The following TLE1 variants were observed in gnomAD, a reference collection of about 807,000 sequenced individuals.
TLE1 encodes the protein TLE family member 1, transcriptional corepressor.
TLE1 carries 21 observed loss-of-function variants against 89.8 expected under a neutral mutation model. The observed-to-expected ratio is 0.23, with a 90% CI of 0.17 to 0.34. The LOEUF is 0.34. Among genes scored for constraint, TLE1 ranks in the 10% least tolerant of loss-of-function variants. The pLI is 1.00. For synonymous variants in TLE1, 447 were observed against 407.6 expected, an observed-to-expected ratio of 1.10 and a Z score of -1.16; for missense variants, 795 against 1,031.2, an observed-to-expected ratio of 0.77 and a Z score of 3.14.
Position 81,610,313 on chromosome 9 carries a change from G to A in TLE1, c.1255-17C>T, listed in dbSNP as rs1439192249. On this transcript the variant is annotated splice_polypyrimidine_tract_variant and intron_variant, in intron 13 of 19. Transcript: ENST00000376499. The stretch of plus-strand genomic sequence containing the variant: ...AAACCCCACCTGGAAACAAAAATAA[G>A]GCATTGCAGACTCAGTTTATTGCAG... 1.2e-6 allele frequency: 2 copies of A among 1,605,726 alleles called. No homozygotes were observed. The highest frequency in any genetic ancestry group is 1.7e-6 in the Non-Finnish European group (2 of 1,173,238).
intron 6 of TLE1, among the ~76,000 whole-genome samples, chr9:81,644,787 A>T (rs551049631): frequency 6.6e-6 from 1 of 152,052 alleles, no homozygotes; most frequent in East Asian, 1.9e-4. Context: ...TGAGGTCAGG[A>T]GTTTGAGAAC....
At chr9:81,603,253 C>T (rs1831180792) in intron 14 of TLE1, among the ~76,000 whole-genome samples, 1 of 152,194 alleles carries the variant, frequency 6.6e-6, no homozygotes, top group Non-Finnish European at 1.5e-5. Flanking sequence ...CACTGTTCCT[C>T]TGTAATAGCT....
intron 8 of TLE1, among the ~76,000 whole-genome samples, chr9:81,628,318 T>G (rs1404841755): frequency 2.0e-5 from 3 of 152,172 alleles, no homozygotes; most frequent in Non-Finnish European, 4.4e-5. Context: ...GAAAAAGCCT[T>G]GCCTGTGTAG....
At chr9:81,618,682 G>T (rs1824860009) in intron 9 of TLE1, among the ~76,000 whole-genome samples, 1 of 152,122 alleles carries the variant, frequency 6.6e-6, no homozygotes, top group Non-Finnish European at 1.5e-5. Context: ...TATTAAGGGT[G>T]GTGGTGGTGA....
intron 6 of TLE1, among the ~76,000 whole-genome samples, chr9:81,651,949 A>G (rs915481613): frequency 2.0e-5 from 3 of 150,126 alleles, no homozygotes. Flanking sequence ...CGGTCTGTTT[A>G]AAAAGAATTT....
intron 14 of TLE1, among the ~76,000 whole-genome samples, chr9:81,593,496 A>T (rs1829825224): frequency 6.6e-6 from 1 of 152,178 alleles, no homozygotes; most frequent in Admixed American, 6.5e-5. Context: ...TATATATTGA[A>T]CTGTATGTAA....
At chr9:81,610,324 C>T in intron 13 of TLE1, 28 bp from the exon 14 acceptor site, 1 of 1,581,434 alleles carries the variant, frequency 6.3e-7, no homozygotes, top group Admixed American at 1.7e-5. Context: ...GCATTGCAGA[C>T]TCAGTTTATT....
chr9:81,626,018 T>A (rs1441991804), intron 8 of TLE1, among the ~76,000 whole-genome samples: 3 of 151,014 alleles, frequency 2.0e-5, no homozygotes, highest in Non-Finnish European at 4.4e-5. Context: ...TCCAAGCAAC[T>A]TCTCTGCCAA....
intron 2 of TLE1, 70 bp downstream of exon 2, chr9:81,687,264 C>G (rs1340152838): frequency 1.5e-6 from 2 of 1,354,550 alleles, no homozygotes; most frequent in Admixed American, 2.1e-5. Context: ...CAGGCGCCGC[C>G]GCCACCCGGC....
At position 81,597,266 on chromosome 9, in the gene TLE1, G is replaced by A. The variant is rs561788773; in HGVS notation, c.1332-3992C>T. 5.5e-4 allele frequency among the ~76,000 whole-genome samples: 84 copies of A among 151,366 alleles called. 1 individual carries two copies. The South Asian group carries it at 0.011, about 20-fold the overall frequency. On this transcript the variant is annotated intron_variant, in intron 14 of 19. Transcript: ENST00000376499. ...TTCAGGAAATGACAGTATTGTTATC[G>A]CACCACCACGACTTAAAAAAAAGCC...
intron 4 of TLE1, among the ~76,000 whole-genome samples, chr9:81,667,652 T>G (rs1170878372): frequency 6.6e-6 from 1 of 152,224 alleles, no homozygotes; most frequent in Non-Finnish European, 1.5e-5. Context: ...AAGCCATTCC[T>G]GGCCCCTCAA....
In TLE1 at chr9:81,613,415, C is replaced by A; in HGVS notation, c.1025G>T (p.Gly342Val). The change falls in exon 12 of 20, where the codon GGC (glycine) becomes GTC (valine). Residue 342 changes from glycine to valine, a missense_variant. Physicochemically the swap from Gly to Val is moderately radical, Grantham distance 109. Coordinates refer to ENST00000376499, the MANE Select transcript of TLE1 (RefSeq NM_005077.5). ...GAGGGGGTCTATGGCTGGAGGCTTG[C>A]CGAGACCTGGACGGAGGCCTGGAGT... ...SATPGLRPGL[G>V]KPPAIDPLVN... The A allele has an allele frequency of 6.2e-7, 1 of 1,614,064 alleles. No homozygotes were observed. Among genetic ancestry groups the A allele is most frequent in the Non-Finnish European group, 8.5e-7 (1 of 1,179,958 alleles).
At chr9:81,592,451 G>T (rs1052905418) in intron 15 of TLE1, among the ~76,000 whole-genome samples, 2 of 152,172 alleles carry the variant, frequency 1.3e-5, no homozygotes, top group Non-Finnish European at 2.9e-5. Context: ...GAGCGGACGT[G>T]GCTTAGGTAC....
chr9:81,645,953 A>G (rs1828808530), intron 6 of TLE1, among the ~76,000 whole-genome samples: 1 of 152,140 alleles, frequency 6.6e-6, no homozygotes, highest in Non-Finnish European at 1.5e-5. Flanking sequence ...TCTATTCTGA[A>G]GCTTTTTTCT....
At chr9:81,670,601 C>T (rs1307287481) in intron 4 of TLE1, among the ~76,000 whole-genome samples, 1 of 151,972 alleles carries the variant, frequency 6.6e-6, no homozygotes, top group Non-Finnish European at 1.5e-5. Flanking sequence ...TCCCAAAGTG[C>T]TGGGATTGCA....
At chr9:81,615,739 G>T (rs1250270519) in intron 11 of TLE1, among the ~76,000 whole-genome samples, 1 of 150,168 alleles carries the variant, frequency 6.7e-6, no homozygotes, top group South Asian at 2.1e-4. Context: ...AGAAGAAGAA[G>T]AAGAAGAAGG....
chr9:81,618,178 G>A (rs1169115042), intron 9 of TLE1, among the ~76,000 whole-genome samples: 6 of 152,146 alleles, frequency 3.9e-5, no homozygotes, highest in Non-Finnish European at 8.8e-5. Flanking sequence ...GAAAAAGCAG[G>A]ACATCTCAAT....
At chr9:81,592,625 T>C (rs1015676784) in intron 15 of TLE1, among the ~76,000 whole-genome samples, 8 of 152,178 alleles carry the variant, frequency 5.3e-5, no homozygotes, top group South Asian at 2.1e-4. Context: ...TTATGCCATG[T>C]TATCAAATAT....
At chr9:81,675,406 T>C (rs961292687) in intron 4 of TLE1, among the ~76,000 whole-genome samples, 1 of 152,066 alleles carries the variant, frequency 6.6e-6, no homozygotes, top group African/African-American at 2.4e-5. Flanking sequence ...GAGAGAAGCT[T>C]GTCATGCAAT....
Sources: gnomAD v4.1 joint callset for allele counts (sites outside exome capture counted in the v4.1 genomes callset) on GRCh38, gnomAD v4.1.1 for gene constraint, MANE v1.5 for transcripts, NCBI Gene and HGNC (gene_info 2026-07-23, HGNC 2026-07-21) for gene names.